PPARGC1A: variants seen among roughly 807,000 people sequenced by gnomAD.
PPARGC1A encodes the protein peroxisome proliferator-activated receptor gamma coactivator 1-alpha.
Under a neutral mutation model 88.7 loss-of-function variants are expected in PPARGC1A, and 25 were observed. That is an observed-to-expected ratio of 0.28 (90% CI 0.21 to 0.39). The LOEUF (loss-of-function observed/expected upper bound fraction) is 0.39. Among genes scored for constraint, PPARGC1A ranks in the 10% least tolerant of loss-of-function variants. The probability of loss-of-function intolerance (pLI) is 1.00; values close to 1 mark genes in which losing one functional copy is unlikely to be tolerated. For missense variants in PPARGC1A, 880 were observed against 968.7 expected (o/e 0.91, Z 1.22); for synonymous variants, 363 against 355.6 (o/e 1.02, Z -0.24).
the PPARGC1A span, among the ~76,000 whole-genome samples, chr4:24,139,583 T>C: frequency 6.6e-6 from 1 of 152,174 alleles, no homozygotes; most frequent in Non-Finnish European, 1.5e-5. Flanking sequence ...AATGATCCCA[T>C]GTAGTGAGAA....
the PPARGC1A span, among the ~76,000 whole-genome samples, chr4:24,340,766 G>C: frequency 6.6e-6 from 1 of 151,882 alleles, no homozygotes; most frequent in Non-Finnish European, 1.5e-5. Context: ...GGTCAACTTA[G>C]CCAAAAAGAA....
intron 2 of PPARGC1A, among the ~76,000 whole-genome samples, chr4:23,871,116 C>A (rs567156278): frequency 1.3e-5 from 2 of 152,266 alleles, no homozygotes; most frequent in South Asian, 4.1e-4. Context: ...CTGCCAAGAC[C>A]AGGCAACATT....
chr4:24,049,213 TAA>T, the PPARGC1A span, among the ~76,000 whole-genome samples: 1 of 8,750 alleles, frequency 1.1e-4, no homozygotes, highest in East Asian at 3.0e-3. Flanking sequence ...CACATATATA[TAA>T]ATATATATAT....
chr4:23,969,719 T>C, the PPARGC1A span, among the ~76,000 whole-genome samples: 1 of 152,284 alleles, frequency 6.6e-6, no homozygotes, highest in Admixed American at 6.5e-5. Context: ...GTCCTAGACC[T>C]CTGGACATTC....
the PPARGC1A span, among the ~76,000 whole-genome samples, chr4:23,936,699 C>T: frequency 2.0e-5 from 3 of 152,068 alleles, no homozygotes; most frequent in Non-Finnish European, 2.9e-5. Flanking sequence ...TGGGAAAACC[C>T]GTCTCTACTA....
At chr4:23,993,938 C>T in the PPARGC1A span, among the ~76,000 whole-genome samples, 1 of 152,096 alleles carries the variant, frequency 6.6e-6, no homozygotes, top group East Asian at 1.9e-4. Context: ...ATCCATCAGA[C>T]ACTTTTTCCA....
At chr4:24,317,596 A>AAAAC in the PPARGC1A span, among the ~76,000 whole-genome samples, 23 of 131,206 alleles carry the variant, frequency 1.8e-4, no homozygotes, top group African/African-American at 5.1e-4. Context: ...AAAAAAAAAA[A>AAAAC]CACCACCACC....
chr4:23,844,007 T>C (rs541153374), intron 2 of PPARGC1A, among the ~76,000 whole-genome samples: 24 of 151,692 alleles, frequency 1.6e-4, no homozygotes, highest in African/African-American at 5.3e-4. Flanking sequence ...ATGTGCGTAT[T>C]TACAAATATT....
chr4:24,409,454 G>T, the PPARGC1A span, among the ~76,000 whole-genome samples: 2 of 152,150 alleles, frequency 1.3e-5, no homozygotes, highest in African/African-American at 4.8e-5. Flanking sequence ...TCCTGATGAA[G>T]TTGCCCAATT....
chr4:24,362,222 T>C, the PPARGC1A span, among the ~76,000 whole-genome samples: 1 of 152,214 alleles, frequency 6.6e-6, no homozygotes, highest in Non-Finnish European at 1.5e-5. Context: ...TTCCTTTTTC[T>C]GAATGTATGT....
the PPARGC1A span, among the ~76,000 whole-genome samples, chr4:24,106,115 C>T: frequency 8.5e-5 from 13 of 152,256 alleles, no homozygotes; most frequent in South Asian, 2.3e-3. Flanking sequence ...CCCCCGGATG[C>T]CCTCACACAC....
At chr4:24,215,189 C>T in the PPARGC1A span, among the ~76,000 whole-genome samples, 1 of 152,228 alleles carries the variant, frequency 6.6e-6, no homozygotes, top group Non-Finnish European at 1.5e-5. Flanking sequence ...TCTCCCCAGG[C>T]TATACCAGGC....
the PPARGC1A span, among the ~76,000 whole-genome samples, chr4:24,087,098 CA>C: frequency 6.6e-6 from 1 of 152,114 alleles, no homozygotes; most frequent in Non-Finnish European, 1.5e-5. Flanking sequence ...TCCAATTTTA[CA>C]GATGAGAAAG....
chr4:24,261,187 C>T, the PPARGC1A span, among the ~76,000 whole-genome samples: 5 of 152,174 alleles, frequency 3.3e-5, no homozygotes, highest in Non-Finnish European at 5.9e-5. Flanking sequence ...TTCTGCCTTC[C>T]ATTTTCTAGC....
chr4:24,113,892 G>T, the PPARGC1A span, among the ~76,000 whole-genome samples: 1 of 152,004 alleles, frequency 6.6e-6, no homozygotes, highest in Non-Finnish European at 1.5e-5. Flanking sequence ...GGGAGACCTA[G>T]GAGGGCAGAT....
At chr4:24,259,948 C>T in the PPARGC1A span, among the ~76,000 whole-genome samples, 3 of 152,106 alleles carry the variant, frequency 2.0e-5, no homozygotes, top group African/African-American at 7.2e-5. Context: ...TCTTGAGTAC[C>T]AGGGTGCGAG....
the PPARGC1A span, among the ~76,000 whole-genome samples, chr4:24,296,496 C>G: frequency 6.6e-6 from 1 of 152,214 alleles, no homozygotes; most frequent in African/African-American, 2.4e-5. Context: ...CACCTAAGAG[C>G]CAGCCTCTTT....
At chr4:23,999,938 C>A in the PPARGC1A span, among the ~76,000 whole-genome samples, 1 of 151,950 alleles carries the variant, frequency 6.6e-6, no homozygotes, top group Non-Finnish European at 1.5e-5. Context: ...TATTAAGTGG[C>A]AGATTGGAGG....
the PPARGC1A span, among the ~76,000 whole-genome samples, chr4:24,405,231 T>C: frequency 6.6e-6 from 1 of 152,114 alleles, no homozygotes; most frequent in Non-Finnish European, 1.5e-5. Context: ...AAATGCAAAA[T>C]GTCACACAAA....
Sources: allele counts gnomAD v4.1 joint callset (sites outside exome capture counted in the v4.1 genomes callset), GRCh38; gene constraint gnomAD v4.1.1; transcripts MANE v1.5; gene names NCBI Gene and HGNC (gene_info 2026-07-23, HGNC 2026-07-21).